The following FANCL variants were observed in gnomAD, a reference collection of about 807,000 sequenced individuals.
FANCL encodes FA complementation group L.
FANCL carries 69 observed loss-of-function variants against 59.4 expected under a neutral mutation model. That is an observed-to-expected ratio of 1.16 (90% CI 0.96 to 1.42). FANCL has a LOEUF of 1.42. Ranked by LOEUF, FANCL falls within the 40% of genes most tolerant of loss-of-function variation. The probability of loss-of-function intolerance (pLI) is 0.00; values close to 1 mark genes in which losing one functional copy is unlikely to be tolerated. For synonymous variants in FANCL, 180 were observed against 147.1 expected (o/e 1.22, Z -1.62); for missense variants, 519 against 447.2 (o/e 1.16, Z -1.45).
At chr2:58,217,253 T>C (rs1691928170) in intron 5 of FANCL, among the ~76,000 whole-genome samples, 1 of 120,502 alleles carries the variant, frequency 8.3e-6, no homozygotes, top group Non-Finnish European at 1.7e-5. Flanking sequence ...CATATATATG[T>C]TTGGCTAAAA....
In FANCL at chr2:58,171,944, A is replaced by T. The variant is rs374547278; in HGVS notation, c.541-6070T>A. ...CGACGGGTTTAAAAAACGGCACACC[A>T]GGAGATTACATCCCGCTTGGAGAGT... On this transcript the variant is annotated intron_variant, in intron 7 of 13. Transcript: ENST00000233741. Among the ~76,000 whole-genome samples the T allele has an allele frequency of 1.1e-3, 164 of 152,356 alleles. 3 individuals carry two copies. The South Asian group carries it at 0.033, about 31-fold the overall frequency.
chr2:58,222,251 A>G (rs150384673), intron 4 of FANCL, among the ~76,000 whole-genome samples: 38 of 152,198 alleles, frequency 2.5e-4, no homozygotes, highest in African/African-American at 8.9e-4. Flanking sequence ...CAAAATGTCA[A>G]TTTTTATGCC....
In FANCL at chr2:58,162,557, T is replaced by C. The variant is rs146704095; in HGVS notation, c.903+309A>G. ...GTACTGACAAGATGCAGAACCTGTG[T>C]TTATGTGAAATCTCTGTATACAGAG... On this transcript the variant is annotated intron_variant, in intron 11 of 13. Transcript: ENST00000233741. Among the ~76,000 whole-genome samples, 148 of 151,936 alleles carry C rather than the reference T, an allele frequency of 9.7e-4. No individual in the cohort carries two copies. The Middle Eastern group carries it at 0.017, about 17-fold the overall frequency.
chr2:58,225,183 AAATT>A (rs1403023338), intron 4 of FANCL, among the ~76,000 whole-genome samples: 1 of 151,614 alleles, frequency 6.6e-6, no homozygotes, highest in Non-Finnish European at 1.5e-5. Context: ...TACAATAAAA[AAATT>A]AATTAAATAT....
intron 7 of FANCL, among the ~76,000 whole-genome samples, chr2:58,171,919 C>T (rs772487978): frequency 3.9e-5 from 6 of 152,184 alleles, no homozygotes; most frequent in African/African-American, 2.4e-5. Flanking sequence ...TGCGCTTTTC[C>T]GACGGGTTTA....
chr2:58,204,985 G>C (rs1162519884), intron 5 of FANCL, among the ~76,000 whole-genome samples: 1 of 151,878 alleles, frequency 6.6e-6, no homozygotes, highest in Non-Finnish European at 1.5e-5. Flanking sequence ...CTGCCAAAAA[G>C]GTTCAAATTT....
chr2:58,167,534 C>G (rs1165919411), intron 7 of FANCL, among the ~76,000 whole-genome samples: 1 of 152,182 alleles, frequency 6.6e-6, no homozygotes, highest in Non-Finnish European at 1.5e-5. Context: ...ACAGTGGCAT[C>G]TTTTATTTGA....
chr2:58,206,610 A>G (rs910131279), intron 5 of FANCL, among the ~76,000 whole-genome samples: 4 of 152,196 alleles, frequency 2.6e-5, no homozygotes, highest in African/African-American at 9.6e-5. Context: ...CAGAAATAAA[A>G]GCTCTTTAGT....
intron 5 of FANCL, among the ~76,000 whole-genome samples, chr2:58,216,231 T>C (rs560662384): frequency 1.3e-5 from 2 of 152,308 alleles, no homozygotes; most frequent in East Asian, 1.9e-4. Context: ...CTGACCTCTA[T>C]GAAAACTACA....
chr2:58,224,347 G>A (rs1057129968), intron 4 of FANCL, among the ~76,000 whole-genome samples: 1 of 151,706 alleles, frequency 6.6e-6, no homozygotes, highest in African/African-American at 2.4e-5. Flanking sequence ...AACCAAATAT[G>A]CTTCACTTGT....
At chr2:58,221,086 G>A (rs1356673823) in intron 5 of FANCL, among the ~76,000 whole-genome samples, 1 of 151,866 alleles carries the variant, frequency 6.6e-6, no homozygotes, top group African/African-American at 2.4e-5. Flanking sequence ...GGTGGCAGGC[G>A]CCTGTAGTCC....
intron 6 of FANCL, among the ~76,000 whole-genome samples, chr2:58,203,408 TAA>T (rs1264370864): frequency 6.8e-6 from 1 of 146,772 alleles, no homozygotes. Flanking sequence ...CAAGAATAAT[TAA>T]AAAAAAAAAG....
intron 5 of FANCL, among the ~76,000 whole-genome samples, chr2:58,207,889 T>C (rs938443627): frequency 6.6e-6 from 1 of 152,136 alleles, no homozygotes; most frequent in Non-Finnish European, 1.5e-5. Context: ...AGACCTCATC[T>C]TTACAAAAAT....
chr2:58,162,168 AAAAG>A (rs1372746457), intron 11 of FANCL, among the ~76,000 whole-genome samples: 2 of 151,962 alleles, frequency 1.3e-5, no homozygotes, highest in Non-Finnish European at 2.9e-5. Context: ...AACTAAAGGA[AAAAG>A]AAACTCACTA....
intron 5 of FANCL, among the ~76,000 whole-genome samples, chr2:58,211,611 C>A (rs574049145): frequency 6.6e-6 from 1 of 152,308 alleles, no homozygotes; most frequent in East Asian, 1.9e-4. Flanking sequence ...ATTTTTTGAA[C>A]TTTTATTTTA....
chr2:58,202,239 TAAAA>T (rs5831491), intron 6 of FANCL, among the ~76,000 whole-genome samples: 7,779 of 106,032 alleles, frequency 0.073, 278 homozygotes, highest in Middle Eastern at 0.13. Flanking sequence ...ACCTTTTTCC[TAAAA>T]AAAAAAAAAA....
At chr2:58,191,143 AATAGACAT>A (rs1688882523) in intron 7 of FANCL, among the ~76,000 whole-genome samples, 1 of 151,838 alleles carries the variant, frequency 6.6e-6, no homozygotes, top group Non-Finnish European at 1.5e-5. Flanking sequence ...AAAAAATTCA[AATAGACAT>A]ATAGACATAG....
chr2:58,226,770 A>G lies in FANCL; in HGVS notation c.231T>C (p.Ser77=). The G allele has an allele frequency of 6.2e-7, 1 of 1,613,512 alleles. No individual in the cohort carries two copies. The highest frequency in any genetic ancestry group is 8.5e-7 in the Non-Finnish European group (1 of 1,179,592). ...CCATCATAAAGCTCATTAGATCAGGAGAGTGCTGCATTCTCTAGATCAAAA... is the reference window on the plus strand; with the variant it reads ...CCATCATAAAGCTCATTAGATCAGGGGAGTGCTGCATTCTCTAGATCAAAA... The part of the protein sequence containing the change: ...HRIVQQRMQH[S]PDLMSFMMEL... Residue 77 remains serine (S), a synonymous_variant, in exon 4 of 14, where the codon TCT becomes TCC. Coordinates refer to ENST00000233741, the MANE Select transcript of FANCL (RefSeq NM_018062.4).
intron 5 of FANCL, among the ~76,000 whole-genome samples, chr2:58,207,963 G>A (rs1207202350): frequency 6.6e-6 from 1 of 152,118 alleles, no homozygotes; most frequent in Non-Finnish European, 1.5e-5. Flanking sequence ...GGAAACTGAG[G>A]CAGAAGGTTT....
Sources: gnomAD v4.1 joint callset for allele counts (sites outside exome capture counted in the v4.1 genomes callset) on GRCh38, gnomAD v4.1.1 for gene constraint, MANE v1.5 for transcripts, NCBI Gene and HGNC (gene_info 2026-07-23, HGNC 2026-07-21) for gene names.